SCUBE2: variants seen among roughly 807,000 people sequenced by gnomAD.
The protein encoded by SCUBE2 is signal peptide, CUB and EGF-like domain-containing protein 2.
SCUBE2 carries 114 observed loss-of-function variants against 125.9 expected under a neutral mutation model. That is an observed-to-expected ratio of 0.91 (90% CI 0.78 to 1.06). The LOEUF is 1.06. SCUBE2 is among the 50% of genes least tolerant of loss of function. SCUBE2 has a pLI of 0.00. For missense variants in SCUBE2, 1,255 were observed against 1,301.8 expected (o/e 0.96, Z 0.55); for synonymous variants, 459 against 492.9 (o/e 0.93, Z 0.91).
chr11:9,033,136 T>C (rs539284015), intron 17 of SCUBE2, among the ~76,000 whole-genome samples: 1 of 152,312 alleles, frequency 6.6e-6, no homozygotes, highest in South Asian at 2.1e-4. Flanking sequence ...GAGCTTGAGA[T>C]TGACTTCAAA....
chr11:9,032,705 C>G (rs568182506), intron 17 of SCUBE2, among the ~76,000 whole-genome samples: 1 of 152,246 alleles, frequency 6.6e-6, no homozygotes, highest in Non-Finnish European at 1.5e-5. Context: ...AGCACTCCAG[C>G]CTTGGTGACA....
intron 8 of SCUBE2, 71 bp from the exon 9 acceptor site, chr11:9,059,496 C>T (rs1859451823): frequency 6.5e-7 from 1 of 1,540,144 alleles, no homozygotes; most frequent in Admixed American, 1.8e-5. Flanking sequence ...CCTGAAGGGC[C>T]ATTGTGTGTG....
chr11:9,031,910 T>C (rs1856339584), intron 17 of SCUBE2, among the ~76,000 whole-genome samples: 1 of 152,124 alleles, frequency 6.6e-6, no homozygotes, highest in African/African-American at 2.4e-5. Flanking sequence ...CACACACCAT[T>C]GGGAGGAGCC....
At chr11:9,054,166 T>G (rs1858752100) in intron 10 of SCUBE2, among the ~76,000 whole-genome samples, 1 of 151,982 alleles carries the variant, frequency 6.6e-6, no homozygotes, top group African/African-American at 2.4e-5. Context: ...CTGGCTAATT[T>G]TTGCATTTTT....
rs1855891445 is a variant in SCUBE2 at position 9,027,510 on chromosome 11, G to A, written c.2555C>T (p.Pro852Leu). 2 of 1,614,048 alleles carry A rather than the reference G, an allele frequency of 1.2e-6. No individual in the cohort carries two copies. Among genetic ancestry groups the A allele is most frequent in the Non-Finnish European group, 1.7e-6 (2 of 1,180,018 alleles). ...GGCTGGGTAATTGCCTGGGTAGTTT[G>A]GGGATTCAATGTACCCAGTGAAATC... ...LGDFTGYIESPNYPGNYPANT... is the reference protein window; with the variant it reads ...LGDFTGYIESLNYPGNYPANT... The change falls in exon 20 of 23, where the codon CCA (proline) becomes CTA (leucine). Residue 852 changes from proline (P) to leucine (L), a missense_variant. Coordinates refer to ENST00000649792, the MANE Select transcript of SCUBE2 (RefSeq NM_001367977.2).
At chr11:9,031,744 G>A (rs1286454767) in intron 17 of SCUBE2, among the ~76,000 whole-genome samples, 2 of 152,022 alleles carry the variant, frequency 1.3e-5, no homozygotes, top group Admixed American at 6.5e-5. Flanking sequence ...ACAAACAAAA[G>A]GATTTCTAAA....
In SCUBE2 at chr11:9,091,461, G is replaced by GGCAGCAGCAGCAGCA; in HGVS notation, c.53_67dup (p.Leu18_Leu22dup). ...GGCCCCCGCCAGCAGCAGCAGTGGC[G>GGCAGCAGCAGCAGCA]GCAGCAGCAGCAGCAGCAGCAGCAC... On this transcript the variant is annotated inframe_insertion, in exon 1 of 23. Coordinates refer to ENST00000649792, the MANE Select transcript of SCUBE2 (RefSeq NM_001367977.2). This position sits in a 1 kb window ranked among gnomAD's most constrained non-coding sequence, Gnocchi z 8.5. 2.5e-6 allele frequency: 3 copies of GGCAGCAGCAGCAGCA among 1,222,998 alleles called. No homozygotes were observed. Among genetic ancestry groups the GGCAGCAGCAGCAGCA allele is most frequent in the Middle Eastern group, 6.0e-4 (2 of 3,348 alleles). 75.8% of individuals were successfully genotyped at this position (1,222,998 alleles called of 1,614,324 possible).
chr11:9,082,614 T>C (rs1212056081), intron 2 of SCUBE2, among the ~76,000 whole-genome samples: 1 of 152,218 alleles, frequency 6.6e-6, no homozygotes, highest in Non-Finnish European at 1.5e-5. Flanking sequence ...AAATGGTATA[T>C]TCATACAATG....
intron 7 of SCUBE2, 42 bp downstream of exon 7, chr11:9,065,849 G>A: frequency 6.5e-7 from 1 of 1,544,066 alleles, no homozygotes; most frequent in Non-Finnish European, 9.0e-7. Flanking sequence ...GGAGGGAAAA[G>A]GACAATTGCA....
intron 2 of SCUBE2, among the ~76,000 whole-genome samples, chr11:9,081,676 A>AC (rs111467077): frequency 9.3e-6 from 1 of 107,814 alleles, no homozygotes; most frequent in African/African-American, 3.9e-5. Context: ...AAACAAACAA[A>AC]AAAAAAAAAC....
At chr11:9,090,996 A>C (rs1456176714) in intron 1 of SCUBE2, among the ~76,000 whole-genome samples, 1 of 152,098 alleles carries the variant, frequency 6.6e-6, no homozygotes, top group African/African-American at 2.4e-5. Flanking sequence ...GCCCCCAAAG[A>C]AAGAAACGGC....
At chr11:9,073,699 A>G in intron 4 of SCUBE2, among the ~76,000 whole-genome samples, 1 of 152,184 alleles carries the variant, frequency 6.6e-6, no homozygotes, top group Non-Finnish European at 1.5e-5. Context: ...CTCCAAGAGG[A>G]ACACAGCCAC....
intron 3 of SCUBE2, among the ~76,000 whole-genome samples, chr11:9,078,890 A>G (rs1861412894): frequency 1.3e-5 from 2 of 152,338 alleles, no homozygotes; most frequent in Admixed American, 6.5e-5. Flanking sequence ...TAAAACTCCA[A>G]CAGATGTTTC....
intron 21 of SCUBE2, among the ~76,000 whole-genome samples, chr11:9,023,993 A>AAAT (rs1383106328): frequency 6.6e-6 from 1 of 151,774 alleles, no homozygotes; most frequent in Non-Finnish European, 1.5e-5. Context: ...AACTTTTTGG[A>AAAT]AATATATGTT....
chr11:9,075,642 A>C (rs546763147), intron 3 of SCUBE2, among the ~76,000 whole-genome samples: 1 of 152,188 alleles, frequency 6.6e-6, no homozygotes, highest in Non-Finnish European at 1.5e-5. Context: ...TAGGGGAGAG[A>C]GTCTGGCCCT....
chr11:9,065,484 A>G (rs536563102), intron 7 of SCUBE2, among the ~76,000 whole-genome samples: 181 of 152,304 alleles, frequency 1.2e-3, no homozygotes, highest in African/African-American at 4.1e-3. Flanking sequence ...CTGTGAGTCA[A>G]TTAAGCCTCT....
chr11:9,071,963 T>C (rs1484213689), intron 4 of SCUBE2, among the ~76,000 whole-genome samples: 3 of 152,136 alleles, frequency 2.0e-5, no homozygotes, highest in Non-Finnish European at 2.9e-5. Context: ...ACCCTCATTA[T>C]ATGGGTGAAA....
At position 9,051,237 on chromosome 11, in the gene SCUBE2, C is replaced by CCTACCTACCTACCTAT. The variant is rs1555245415; in HGVS notation, c.1535-528_1535-527insATAGGTAGGTAGGTAG. Among the ~76,000 whole-genome samples the CCTACCTACCTACCTAT allele has an allele frequency of 5.8e-4, 87 of 150,396 alleles. 2 individuals carry two copies. The South Asian group carries it at 0.017, about 29-fold the overall frequency. ...ATCTATCTATCTATCTACCTACCTA[C>CCTACCTACCTACCTAT]CTATCTATCTATCTATCTATCTACC... is the stretch of plus-strand genomic sequence containing the variant. On this transcript the variant is annotated intron_variant, in intron 13 of 22. Coordinates refer to ENST00000649792, the MANE Select transcript of SCUBE2 (RefSeq NM_001367977.2).
At chr11:9,039,555 T>C (rs1013860407) in intron 16 of SCUBE2, among the ~76,000 whole-genome samples, 1 of 152,210 alleles carries the variant, frequency 6.6e-6, no homozygotes, top group Admixed American at 6.5e-5. Context: ...GCACGGGTTC[T>C]ACTGTTGGTC....
Sources: allele counts gnomAD v4.1 joint callset (sites outside exome capture counted in the v4.1 genomes callset), GRCh38; gene constraint gnomAD v4.1.1; non-coding constraint Gnocchi (gnomAD v3.1); transcripts MANE v1.5; gene names NCBI Gene and HGNC (gene_info 2026-07-23, HGNC 2026-07-21).